The following RASGRP3 variants were observed in gnomAD, a reference collection of about 807,000 sequenced individuals.
The protein encoded by RASGRP3 is RAS guanyl releasing protein 3, also known as ras guanyl-releasing protein 3.
In RASGRP3, 54 loss-of-function variants were observed where a neutral mutation model predicts 82.7. The ratio of observed to expected loss-of-function variants is 0.65; its 90% CI spans 0.52 to 0.82. RASGRP3 has a LOEUF of 0.82. RASGRP3 is among the 40% of genes least tolerant of loss of function. RASGRP3 has a pLI of 0.00. For missense variants in RASGRP3, 861 were observed against 828.9 expected (o/e 1.04, Z -0.48); for synonymous variants, 309 against 300.5 (o/e 1.03, Z -0.29).
intron 1 of RASGRP3, among the ~76,000 whole-genome samples, chr2:33,476,927 C>T (rs1161250320): frequency 8.7e-6 from 1 of 114,920 alleles, no homozygotes; most frequent in Non-Finnish European, 2.1e-5. Flanking sequence ...TTATTTTCGG[C>T]AACGTGTCTT....
intron 1 of RASGRP3, among the ~76,000 whole-genome samples, chr2:33,500,961 A>T (rs1339768165): frequency 6.6e-6 from 1 of 152,174 alleles, no homozygotes; most frequent in African/African-American, 2.4e-5. Flanking sequence ...AATAAAGTGC[A>T]CAGTTCAATG....
intron 15 of RASGRP3, among the ~76,000 whole-genome samples, chr2:33,557,322 T>C (rs995575030): frequency 1.3e-5 from 2 of 152,148 alleles, no homozygotes; most frequent in African/African-American, 4.8e-5. Context: ...ATATAGAACA[T>C]ATTTACTGAG....
At position 33,563,861 on chromosome 2, in the gene RASGRP3, A is replaced by AAT. The variant is rs1420277586; in HGVS notation, c.*1126_*1127dup. 2.6e-5 allele frequency: 4 copies of AAT among 152,154 alleles called. No individual in the cohort carries two copies. Among genetic ancestry groups the AAT allele is most frequent in the Non-Finnish European group, 1.5e-5 (1 of 68,034 alleles). The allele number at this position is 152,154 out of a possible 1,614,324, so 9.4% of individuals were successfully genotyped here. A position where few individuals can be genotyped will look rare whatever the true frequency, so the allele number is the denominator to read the frequency against. On this transcript the variant is annotated 3_prime_UTR_variant, in exon 18 of 18. Transcript: ENST00000403687. ...TTTTAAATAGCTCCCATTTACCCAA[A>AAT]ATAACTAGTTATGGGTCTATTTCTT...
At chr2:33,493,693 G>A (rs966285705) in intron 1 of RASGRP3, among the ~76,000 whole-genome samples, 1 of 151,652 alleles carries the variant, frequency 6.6e-6, no homozygotes, top group Non-Finnish European at 1.5e-5. Context: ...GCACCCAACA[G>A]CCAGGGATTA....
At chr2:33,535,834 C>T (rs1047122897) in intron 11 of RASGRP3, among the ~76,000 whole-genome samples, 10 of 152,178 alleles carry the variant, frequency 6.6e-5, no homozygotes, top group African/African-American at 2.4e-4. Flanking sequence ...TTGTAAGCCC[C>T]TCCCTAATTC....
chr2:33,513,377 A>G (rs1671123968), intron 2 of RASGRP3, among the ~76,000 whole-genome samples: 1 of 152,140 alleles, frequency 6.6e-6, no homozygotes, highest in African/African-American at 2.4e-5. Flanking sequence ...TTTCCTATTC[A>G]TTCACATGTT....
At chr2:33,545,049 T>G (rs1248414545) in intron 13 of RASGRP3, among the ~76,000 whole-genome samples, 1 of 152,238 alleles carries the variant, frequency 6.6e-6, no homozygotes, top group Non-Finnish European at 1.5e-5. Context: ...GCTTAGTTTG[T>G]TACTATTAGT....
chr2:33,516,101 G>A (rs191920911), intron 3 of RASGRP3, among the ~76,000 whole-genome samples: 85 of 152,254 alleles, frequency 5.6e-4, no homozygotes, highest in African/African-American at 1.8e-3. Flanking sequence ...AATACTAGCC[G>A]AAGTAGGAGG....
chr2:33,450,167 T>C (rs1665710891), intron 2 of RASGRP3, among the ~76,000 whole-genome samples: 1 of 152,244 alleles, frequency 6.6e-6, no homozygotes, highest in South Asian at 2.1e-4. Context: ...TGTTTTGATA[T>C]ATGTATACAT....
At chr2:33,484,615 C>T (rs1183132448) in intron 1 of RASGRP3, among the ~76,000 whole-genome samples, 1 of 152,112 alleles carries the variant, frequency 6.6e-6, no homozygotes, top group Non-Finnish European at 1.5e-5. Context: ...TTTCTCTCCC[C>T]AGTCACTCTT....
chr2:33,539,056 A>G (rs1270289495), intron 11 of RASGRP3, 38 bp from the exon 12 acceptor site: 6 of 1,368,742 alleles, frequency 4.4e-6, no homozygotes, highest in Non-Finnish European at 6.1e-6. Flanking sequence ...TAATAATAAT[A>G]AAGTTGAAAA....
intron 14 of RASGRP3, among the ~76,000 whole-genome samples, chr2:33,554,083 A>C (rs772389658): frequency 6.6e-5 from 10 of 152,204 alleles, no homozygotes; most frequent in Non-Finnish European, 1.5e-4. Context: ...ATAGCTGTTA[A>C]GGCTCAAAGG....
intron 1 of RASGRP3, among the ~76,000 whole-genome samples, chr2:33,479,531 C>T (rs546051441): frequency 1.3e-5 from 2 of 152,220 alleles, no homozygotes; most frequent in African/African-American, 4.8e-5. Flanking sequence ...GAATAGAAAC[C>T]ATGCACTCTG....
chr2:33,448,594 T>C (rs1023874), intron 2 of RASGRP3, among the ~76,000 whole-genome samples: 20,271 of 152,140 alleles, frequency 0.13, 1,784 homozygotes, highest in Admixed American at 0.2. Context: ...ATTCCACTTA[T>C]GTGAAATATC....
chr2:33,550,282 T>A (rs1026872900), intron 14 of RASGRP3, among the ~76,000 whole-genome samples: 5 of 152,222 alleles, frequency 3.3e-5, no homozygotes, highest in Non-Finnish European at 7.3e-5. Context: ...TAACTAATCC[T>A]CATAGCAAGC....
At chr2:33,454,726 C>A (rs1437980798) in intron 2 of RASGRP3, among the ~76,000 whole-genome samples, 1 of 152,040 alleles carries the variant, frequency 6.6e-6, no homozygotes. Context: ...GGTCTCTGGA[C>A]CAGGGCCACC....
intron 2 of RASGRP3, among the ~76,000 whole-genome samples, chr2:33,464,110 A>AATAATAATTATT (rs1398514920): frequency 1.5e-4 from 21 of 144,264 alleles, no homozygotes; most frequent in African/African-American, 4.2e-4. Context: ...TAATAATAAT[A>AATAATAATTATT]ATTATTATTA....
intron 1 of RASGRP3, among the ~76,000 whole-genome samples, chr2:33,501,797 G>A (rs2150981542): frequency 6.6e-6 from 1 of 152,326 alleles, no homozygotes; most frequent in Middle Eastern, 3.4e-3. Context: ...CTGCAGATGA[G>A]ACGATGAGGT....
At chr2:33,510,410 T>G (rs554922518) in intron 1 of RASGRP3, among the ~76,000 whole-genome samples, 44 of 152,358 alleles carry the variant, frequency 2.9e-4, no homozygotes, top group African/African-American at 1.0e-3. Context: ...GAATTTAGTC[T>G]ACAACATCTC....
Sources: allele counts gnomAD v4.1 joint callset (sites outside exome capture counted in the v4.1 genomes callset), GRCh38; gene constraint gnomAD v4.1.1; transcripts MANE v1.5; gene names NCBI Gene and HGNC (gene_info 2026-07-23, HGNC 2026-07-21).